CYRIA: variants seen among roughly 807,000 people sequenced by gnomAD.
The protein encoded by CYRIA is CYFIP related Rac1 interactor A.
Under a neutral mutation model 43.9 loss-of-function variants are expected in CYRIA, and 15 were observed. The ratio of observed to expected loss-of-function variants is 0.34; its 90% CI spans 0.23 to 0.53. The LOEUF (loss-of-function observed/expected upper bound fraction) is 0.53, where lower values mean the gene tolerates loss of function less well. Ranked by LOEUF, CYRIA falls within the 20% of genes least tolerant of loss-of-function variation. The pLI, the probability that CYRIA is intolerant of heterozygous loss-of-function variation, is 0.94. For synonymous variants in CYRIA, 117 were observed against 136.0 expected, an observed-to-expected ratio of 0.86 and a Z score of 0.97; for missense variants, 236 against 394.2, an observed-to-expected ratio of 0.60 and a Z score of 3.40.
chr2:16,572,229 G>A (rs996558647), intron 3 of CYRIA, among the ~76,000 whole-genome samples: 1 of 152,114 alleles, frequency 6.6e-6, no homozygotes, highest in Non-Finnish European at 1.5e-5. Context: ...TTAAAAGAGA[G>A]GGAAGCTAAG....
At chr2:16,657,826 A>AT (rs1670157767) in intron 1 of CYRIA, among the ~76,000 whole-genome samples, 2 of 152,246 alleles carry the variant, frequency 1.3e-5, no homozygotes, top group Admixed American at 6.5e-5. Flanking sequence ...CTTTCTGCTG[A>AT]AAACCTCATT....
intron 1 of CYRIA, among the ~76,000 whole-genome samples, chr2:16,662,276 G>C (rs1450464561): frequency 2.0e-5 from 3 of 152,188 alleles, no homozygotes; most frequent in Non-Finnish European, 4.4e-5. Context: ...GGACCCAGAG[G>C]TCCAGTAACT....
chr2:16,577,387 A>G (rs1344820607), intron 3 of CYRIA, among the ~76,000 whole-genome samples: 2 of 152,158 alleles, frequency 1.3e-5, no homozygotes, highest in African/African-American at 2.4e-5. Context: ...ATATTTTTTA[A>G]AAAGAAGTAA....
Position 16,588,048 on chromosome 2 carries a change from A to G in CYRIA, c.70+2T>C. The G allele has an allele frequency of 6.3e-7, 1 of 1,594,046 alleles. No homozygotes were observed. The highest frequency in any genetic ancestry group is 8.6e-7 in the Non-Finnish European group (1 of 1,167,264). On this transcript the variant is annotated splice_donor_variant, in intron 3 of 11. Coordinates refer to ENST00000381323, the MANE Select transcript of CYRIA (RefSeq NM_030797.4). LOFTEE classifies it high-confidence loss of function. ...TCCATTATTATAATTTTTGGAACTT[A>G]CTTTCAAAATCCAGGAAAAAGTGTG...
intron 2 of CYRIA, among the ~76,000 whole-genome samples, chr2:16,602,628 A>G (rs1406606456): frequency 6.6e-6 from 1 of 152,040 alleles, no homozygotes; most frequent in East Asian, 1.9e-4. Flanking sequence ...TACATCCCCA[A>G]ATTTAATCTG....
intron 2 of CYRIA, among the ~76,000 whole-genome samples, chr2:16,610,333 G>T (rs941256244): frequency 1.3e-5 from 2 of 152,182 alleles, no homozygotes; most frequent in African/African-American, 4.8e-5. Context: ...AAGCCACTAT[G>T]TTATTTTGTC....
chr2:16,576,896 A>G (rs1026776219), intron 3 of CYRIA, among the ~76,000 whole-genome samples: 1 of 152,242 alleles, frequency 6.6e-6, no homozygotes, highest in East Asian at 1.9e-4. Flanking sequence ...TATTATGCTA[A>G]GCAAAATAAA....
chr2:16,588,257 A>G (rs546875321), intron 2 of CYRIA, 128 bp from the exon 3 acceptor site: 1 of 563,946 alleles, frequency 1.8e-6, no homozygotes, highest in East Asian at 3.0e-5. Context: ...CCAGGGGTTG[A>G]GCAATAATGT....
At chr2:16,606,974 C>G (rs1210089030) in intron 2 of CYRIA, among the ~76,000 whole-genome samples, 2 of 151,958 alleles carry the variant, frequency 1.3e-5, no homozygotes, top group Non-Finnish European at 2.9e-5. Flanking sequence ...AAAAAAAATC[C>G]AATAAAAGCC....
chr2:16,585,730 A>T (rs965943185), intron 3 of CYRIA, among the ~76,000 whole-genome samples: 9 of 152,114 alleles, frequency 5.9e-5, no homozygotes, highest in African/African-American at 2.2e-4. Flanking sequence ...CATTAAGAAA[A>T]TATTCAAAGT....
At chr2:16,602,688 A>C (rs1222390001) in intron 2 of CYRIA, among the ~76,000 whole-genome samples, 1 of 152,110 alleles carries the variant, frequency 6.6e-6, no homozygotes, top group East Asian at 1.9e-4. Flanking sequence ...CTCTCATTTT[A>C]CAAAAAAAGA....
intron 3 of CYRIA, among the ~76,000 whole-genome samples, chr2:16,570,758 G>C (rs1667100989): frequency 6.6e-6 from 1 of 152,120 alleles, no homozygotes; most frequent in Non-Finnish European, 1.5e-5. Flanking sequence ...GTCAAAGAAA[G>C]GTACAAACAG....
At chr2:16,591,895 C>T (rs1282276922) in intron 2 of CYRIA, among the ~76,000 whole-genome samples, 1 of 152,064 alleles carries the variant, frequency 6.6e-6, no homozygotes, top group Non-Finnish European at 1.5e-5. Context: ...TGTACATGCA[C>T]ACACTCACAC....
chr2:16,652,756 C>T (rs114816429), intron 1 of CYRIA, among the ~76,000 whole-genome samples: 116 of 152,248 alleles, frequency 7.6e-4, no homozygotes, highest in African/African-American at 2.7e-3. Context: ...CAGCAGGGAT[C>T]GGATGAGCAG....
chr2:16,602,316 GAT>G (rs1218187822), intron 2 of CYRIA, among the ~76,000 whole-genome samples: 2 of 152,076 alleles, frequency 1.3e-5, no homozygotes, highest in Admixed American at 6.5e-5. Flanking sequence ...CGAAGACTCA[GAT>G]TGCCTATAAC....
chr2:16,606,499 T>C (rs1668402250), intron 2 of CYRIA, among the ~76,000 whole-genome samples: 1 of 151,800 alleles, frequency 6.6e-6, no homozygotes, highest in Admixed American at 6.6e-5. Flanking sequence ...ATACAACTAA[T>C]TCTGGGGAAT....
chr2:16,607,037 C>T (rs1031265668), intron 2 of CYRIA, among the ~76,000 whole-genome samples: 27 of 152,152 alleles, frequency 1.8e-4, no homozygotes, highest in African/African-American at 5.6e-4. Context: ...TAGCATGCTC[C>T]GTGAAATCTC....
intron 2 of CYRIA, among the ~76,000 whole-genome samples, chr2:16,593,374 A>G (rs889794671): frequency 2.6e-5 from 4 of 152,178 alleles, no homozygotes; most frequent in African/African-American, 9.7e-5. Flanking sequence ...TATTTTAAAT[A>G]CATTTTCTTG....
chr2:16,642,938 A>G (rs1375365380), intron 1 of CYRIA, among the ~76,000 whole-genome samples: 1 of 151,482 alleles, frequency 6.6e-6, no homozygotes, highest in Non-Finnish European at 1.5e-5. Flanking sequence ...TGACCTTTTG[A>G]CCTTCTAATA....
Sources: gnomAD v4.1 joint callset for allele counts (sites outside exome capture counted in the v4.1 genomes callset) on GRCh38, gnomAD v4.1.1 for gene constraint, MANE v1.5 for transcripts, NCBI Gene and HGNC (gene_info 2026-07-23, HGNC 2026-07-21) for gene names.